Variants in ACSL1 observed in about 807,000 individuals in gnomAD.
The protein encoded by ACSL1 is long-chain-fatty-acid--CoA ligase 1.
Under a neutral mutation model 98.4 loss-of-function variants are expected in ACSL1, and 41 were observed. The ratio of observed to expected loss-of-function variants is 0.42; its 90% CI spans 0.32 to 0.54. The LOEUF is 0.54. ACSL1 is among the 20% of genes least tolerant of loss of function. The probability of loss-of-function intolerance (pLI) is 0.13; values close to 1 mark genes in which losing one functional copy is unlikely to be tolerated. For synonymous variants in ACSL1, 316 were observed against 322.7 expected, an observed-to-expected ratio of 0.98 and a Z score of 0.22; for missense variants, 734 against 883.1, an observed-to-expected ratio of 0.83 and a Z score of 2.14.
chr4:184,756,937 C>A lies in ACSL1; in HGVS notation c.*188G>T, dbSNP rs1399438906. On this transcript the variant is annotated 3_prime_UTR_variant, in exon 21 of 21. Coordinates refer to ENST00000281455, the MANE Select transcript of ACSL1 (RefSeq NM_001995.5). ...GTATTACCATAAACATGGTCTGCAA[C>A]ATGAGGTGACTGTAAGGCAGTGTTC... 3 of 620,856 alleles carry A rather than the reference C, an allele frequency of 4.8e-6. No individual in the cohort carries two copies. 38.5% of individuals were successfully genotyped at this position (620,856 alleles called of 1,614,324 possible). A position where few individuals can be genotyped will look rare whatever the true frequency, so the allele number is the denominator to read the frequency against.
intron 10 of ACSL1, among the ~76,000 whole-genome samples, chr4:184,771,107 G>C (rs557463503): frequency 1.4e-4 from 21 of 152,174 alleles, no homozygotes; most frequent in African/African-American, 4.1e-4. Flanking sequence ...CTGGGCAACA[G>C]AGTGAGACTC....
chr4:184,825,194 C>T lies in ACSL1; in HGVS notation c.-33+722G>A. On this transcript the variant is annotated intron_variant, in intron 1 of 20. Coordinates refer to ENST00000281455, the MANE Select transcript of ACSL1 (RefSeq NM_001995.5). The surrounding 1 kb of genome is among the most constrained non-coding windows in gnomAD (Gnocchi z 4.7). ...CTGGGGGAACGCCTGTCCCCAGACT[C>T]GAATCCACGTGTCCATTCAAGTCAT... 1.0e-6 allele frequency: 1 copy of T among 985,352 alleles called. No homozygotes were observed. The highest frequency in any genetic ancestry group is 1.2e-6 in the Non-Finnish European group (1 of 829,912). 61.0% of individuals were successfully genotyped at this position (985,352 alleles called of 1,614,324 possible).
chr4:184,777,578 AGGAAG>A (rs1332883776), intron 5 of ACSL1, among the ~76,000 whole-genome samples: 1 of 152,098 alleles, frequency 6.6e-6, no homozygotes, highest in Non-Finnish European at 1.5e-5. Context: ...AAAAGAAAAA[AGGAAG>A]GAAAGGAAAG....
At chr4:184,807,255 C>A (rs926231592) in intron 1 of ACSL1, among the ~76,000 whole-genome samples, 12 of 152,198 alleles carry the variant, frequency 7.9e-5, no homozygotes, top group African/African-American at 2.7e-4. Context: ...CTTTCAAAAT[C>A]AAATTTCCAT....
Position 184,769,112 on chromosome 4 carries a change from A to G in ACSL1, c.994-662T>C, listed in dbSNP as rs111355941. Among the ~76,000 whole-genome samples the G allele has an allele frequency of 6.8e-3, 1,015 of 149,828 alleles. 19 individuals are homozygous for G. Among genetic ancestry groups the G allele is most frequent in the South Asian group, 0.05 (239 of 4,772 alleles). On this transcript the variant is annotated intron_variant, in intron 11 of 20. Transcript: ENST00000281455. ...ATATATATAGCCTTCCAGAAACTTT[A>G]CATTTAATTTATTCTCAAAATAAAA...
intron 2 of ACSL1, among the ~76,000 whole-genome samples, chr4:184,793,194 TAAAA>T (rs5864899): frequency 2.2e-5 from 3 of 135,986 alleles, no homozygotes; most frequent in Non-Finnish European, 1.6e-5. Flanking sequence ...TGTTCCCAGT[TAAAA>T]AAAAAAAAAA....
intron 1 of ACSL1, among the ~76,000 whole-genome samples, chr4:184,811,999 T>C (rs1772165225): frequency 6.6e-6 from 1 of 152,074 alleles, no homozygotes; most frequent in African/African-American, 2.4e-5. Context: ...TCCAGGGTCC[T>C]CAGGGCCCTC....
At chr4:184,797,078 C>A (rs1769520431) in intron 2 of ACSL1, among the ~76,000 whole-genome samples, 3 of 152,202 alleles carry the variant, frequency 2.0e-5, no homozygotes, top group Non-Finnish European at 4.4e-5. Flanking sequence ...TTCCTGCCCA[C>A]TCCTGGCAGT....
In ACSL1 at chr4:184,756,515, T is replaced by A. The variant is rs1203294780; in HGVS notation, c.*610A>T. 1 of 152,604 alleles carries A rather than the reference T, an allele frequency of 6.6e-6. No homozygotes were observed. Among genetic ancestry groups the A allele is most frequent in the African/African-American group, 2.4e-5 (1 of 41,428 alleles). The allele number at this position is 152,604 out of a possible 1,614,324, so 9.5% of individuals were successfully genotyped here. On this transcript the variant is annotated 3_prime_UTR_variant, in exon 21 of 21. Coordinates refer to ENST00000281455, the MANE Select transcript of ACSL1 (RefSeq NM_001995.5). Reference sequence around the variant, plus strand: ...TCTGCCCTCCCGCTTACTGGAAACCTTATGCTCCAACAGAAACCACAGGGG... The same window carrying A: ...TCTGCCCTCCCGCTTACTGGAAACCATATGCTCCAACAGAAACCACAGGGG...
intron 1 of ACSL1, among the ~76,000 whole-genome samples, chr4:184,816,195 G>A (rs1772619063): frequency 6.6e-6 from 1 of 152,072 alleles, no homozygotes; most frequent in Admixed American, 6.6e-5. Flanking sequence ...ACTGGACGCA[G>A]CCTGCAAAAA....
intron 16 of ACSL1, among the ~76,000 whole-genome samples, chr4:184,762,910 G>T (rs1236380835): frequency 6.6e-6 from 1 of 152,212 alleles, no homozygotes; most frequent in Non-Finnish European, 1.5e-5. Flanking sequence ...AGGCCACCGG[G>T]CCTTTCTTTG....
At chr4:184,783,640 G>T (rs1322419841) in intron 4 of ACSL1, among the ~76,000 whole-genome samples, 1 of 152,182 alleles carries the variant, frequency 6.6e-6, no homozygotes, top group Non-Finnish European at 1.5e-5. Context: ...TGCCGCCAGG[G>T]GGACCGGGAG....
At chr4:184,780,791 A>G (rs549767997) in intron 4 of ACSL1, among the ~76,000 whole-genome samples, 7 of 152,228 alleles carry the variant, frequency 4.6e-5, no homozygotes, top group Non-Finnish European at 8.8e-5. Flanking sequence ...TTTATAAAGC[A>G]GCCAAAACTT....
At chr4:184,802,231 A>T (rs560281119) in intron 2 of ACSL1, among the ~76,000 whole-genome samples, 1 of 152,240 alleles carries the variant, frequency 6.6e-6, no homozygotes, top group East Asian at 1.9e-4. Flanking sequence ...ATATTTTAAG[A>T]GTTTCACATT....
intron 3 of ACSL1, 33 bp downstream of exon 3, chr4:184,788,584 G>T: frequency 6.5e-7 from 1 of 1,539,678 alleles, no homozygotes; most frequent in Non-Finnish European, 9.0e-7. Context: ...AACACGGCGA[G>T]CGGGAGCCAC....
intron 18 of ACSL1, among the ~76,000 whole-genome samples, chr4:184,759,600 C>T (rs545394736): frequency 6.6e-6 from 1 of 152,186 alleles, no homozygotes; most frequent in African/African-American, 2.4e-5. Context: ...TCATCACTGG[C>T]CATCAGAGAA....
At chr4:184,812,460 C>T (rs1772217921) in intron 1 of ACSL1, among the ~76,000 whole-genome samples, 1 of 152,114 alleles carries the variant, frequency 6.6e-6, no homozygotes, top group Non-Finnish European at 1.5e-5. Flanking sequence ...TACCCGCCAC[C>T]AGACTCCTAC....
intron 11 of ACSL1, among the ~76,000 whole-genome samples, chr4:184,768,738 G>A (rs1764016046): frequency 6.6e-6 from 1 of 152,128 alleles, no homozygotes; most frequent in Admixed American, 6.5e-5. Flanking sequence ...GCGGTGGTAA[G>A]TATCTGTTCA....
chr4:184,779,354 T>C (rs899673018), intron 5 of ACSL1, among the ~76,000 whole-genome samples: 2 of 152,178 alleles, frequency 1.3e-5, no homozygotes, highest in African/African-American at 2.4e-5. Flanking sequence ...ATGTAAGAAG[T>C]GCCTTTCACC....
Sources: gnomAD v4.1 joint callset for allele counts (sites outside exome capture counted in the v4.1 genomes callset) on GRCh38, gnomAD v4.1.1 for gene constraint, Gnocchi (gnomAD v3.1) non-coding constraint, MANE v1.5 for transcripts, NCBI Gene and HGNC (gene_info 2026-07-23, HGNC 2026-07-21) for gene names.